Variants in POLR1A observed in about 807,000 individuals in gnomAD.
POLR1A encodes the protein RNA polymerase I subunit A, also known as DNA-directed RNA polymerase I subunit RPA1.
A neutral mutation model predicts 205.3 loss-of-function variants in POLR1A; 84 were observed. That is an observed-to-expected ratio of 0.41 (90% CI 0.34 to 0.49). The LOEUF (loss-of-function observed/expected upper bound fraction) is 0.49. Ranked by LOEUF, POLR1A falls within the 20% of genes least tolerant of loss-of-function variation. The pLI is 0.22. For missense variants in POLR1A, 1,645 were observed against 2,204.5 expected (o/e 0.75, Z 5.08); for synonymous variants, 799 against 863.7 (o/e 0.93, Z 1.31).
intron 3 of POLR1A, among the ~76,000 whole-genome samples, chr2:86,090,224 T>C (rs1673577310): frequency 6.6e-6 from 1 of 151,890 alleles, no homozygotes; most frequent in Non-Finnish European, 1.5e-5. Flanking sequence ...TGAAATCCTG[T>C]CTCTACCAAA....
intron 22 of POLR1A, 90 bp downstream of exon 22, chr2:86,044,049 G>T: frequency 7.8e-7 from 1 of 1,280,206 alleles, no homozygotes; most frequent in Non-Finnish European, 1.1e-6. Flanking sequence ...CACTTGGACT[G>T]GGTTGCAAAG....
At chr2:86,053,041 G>A in intron 15 of POLR1A, 41 bp from the exon 16 acceptor site, 1 of 1,462,338 alleles carries the variant, frequency 6.8e-7, no homozygotes, top group Non-Finnish European at 9.2e-7. Flanking sequence ...TGCGGGTGAT[G>A]CCTCCTGTGG....
At chr2:86,054,083 C>G in intron 15 of POLR1A, 57 bp downstream of exon 15, 2 of 1,560,868 alleles carry the variant, frequency 1.3e-6, no homozygotes, top group Non-Finnish European at 1.8e-6. Context: ...CATTTTAAAC[C>G]AATCTGTCTA....
chr2:86,059,462 A>G (rs1393349557), intron 14 of POLR1A, among the ~76,000 whole-genome samples: 2 of 152,222 alleles, frequency 1.3e-5, no homozygotes, highest in Admixed American at 1.3e-4. Context: ...ATGGTCAAAC[A>G]GGTGGTTGTA....
In POLR1A at chr2:86,070,977, ATGTT is replaced by A. The variant is rs201407708; in HGVS notation, c.1612-709_1612-706del. Among the ~76,000 whole-genome samples the A allele has an allele frequency of 6.8e-3, 1,033 of 152,140 alleles. 12 individuals carry two copies. Among genetic ancestry groups the A allele is most frequent in the African/African-American group, 0.024 (979 of 41,512 alleles). Reference sequence around the variant, plus strand: ...CCCACACAAGGTTAGATGAGTATGTATGTTTGTGTAGCAGCATTTACAGCGGCAA... The same window carrying A: ...CCCACACAAGGTTAGATGAGTATGTATGTGTAGCAGCATTTACAGCGGCAA... On this transcript the variant is annotated intron_variant, in intron 12 of 33. Coordinates refer to ENST00000263857, the MANE Select transcript of POLR1A (RefSeq NM_015425.6). This position sits in a 1 kb window ranked among gnomAD's most constrained non-coding sequence, Gnocchi z 4.4.
chr2:86,073,294 T>C (rs1673213319), intron 12 of POLR1A, among the ~76,000 whole-genome samples: 1 of 152,130 alleles, frequency 6.6e-6, no homozygotes, highest in African/African-American at 2.4e-5. Flanking sequence ...AAATAAAGTT[T>C]GATTGGAACA....
chr2:86,029,384 T>G, intron 31 of POLR1A, among the ~76,000 whole-genome samples: 1 of 150,692 alleles, frequency 6.6e-6, no homozygotes, highest in Non-Finnish European at 1.5e-5. Flanking sequence ...CAGTGTTCTG[T>G]GGGGGAAACC....
intron 25 of POLR1A, 81 bp from the exon 26 acceptor site, chr2:86,039,543 G>T: frequency 1.3e-6 from 2 of 1,534,112 alleles, no homozygotes. Context: ...AATGATGTCA[G>T]AGTTCTTTTG....
intron 16 of POLR1A, among the ~76,000 whole-genome samples, chr2:86,052,485 T>A (rs1210501736): frequency 6.6e-6 from 1 of 152,162 alleles, no homozygotes; most frequent in Non-Finnish European, 1.5e-5. Flanking sequence ...GGTGGCCAAG[T>A]GAGGGCGCCT....
chr2:86,077,830 C>G lies in POLR1A; in HGVS notation c.1380+29G>C, dbSNP rs752744849. 34 of 1,555,266 alleles carry G rather than the reference C, an allele frequency of 2.2e-5. No homozygotes were observed. The South Asian group carries it at 2.3e-4, about 10-fold the overall frequency. On this transcript the variant is annotated intron_variant, in intron 11 of 33. Coordinates refer to ENST00000263857, the MANE Select transcript of POLR1A (RefSeq NM_015425.6). ...GCGCGCGCACACACACACACACACACACACACACACACACACACACACACA... is the reference window on the plus strand; with the variant it reads ...GCGCGCGCACACACACACACACACAGACACACACACACACACACACACACA...
At chr2:86,082,979 T>C in intron 7 of POLR1A, 103 bp downstream of exon 7, 6 of 853,478 alleles carry the variant, frequency 7.0e-6, no homozygotes, top group South Asian at 1.5e-5. Flanking sequence ...AGGAGGAAGC[T>C]ACAATCACTA....
In POLR1A at chr2:86,025,377, G is replaced by A. The variant is rs1240629446; in HGVS notation, c.*2046C>T. 6.6e-6 allele frequency: 1 copy of A among 152,190 alleles called. No homozygotes were observed. Among genetic ancestry groups the A allele is most frequent in the Non-Finnish European group, 1.5e-5 (1 of 68,054 alleles). 9.4% of individuals were successfully genotyped at this position (152,190 alleles called of 1,614,324 possible). On this transcript the variant is annotated 3_prime_UTR_variant, in exon 34 of 34. Transcript: ENST00000263857. ...GCCAAGGCCACTCTCAGAGGCTTCC[G>A]AGCATAGAGAACCACCAAAGTGAGC...
rs1277929106 is a variant in POLR1A at position 86,069,980 on chromosome 2, T to C, written c.1866+38A>G. On this transcript the variant is annotated intron_variant, in intron 13 of 33. Coordinates refer to ENST00000263857, the MANE Select transcript of POLR1A (RefSeq NM_015425.6). ...CCAACTTAAAAGTGCTAAGTCATGCTGACGATGACCACGGAACAGCCTCAA... is the reference window on the plus strand; with the variant it reads ...CCAACTTAAAAGTGCTAAGTCATGCCGACGATGACCACGGAACAGCCTCAA... 3 of 1,594,400 alleles carry C rather than the reference T, an allele frequency of 1.9e-6. No homozygotes were observed. The South Asian group carries it at 3.3e-5, about 18-fold the overall frequency.
At chr2:86,097,454 C>T (rs1483549390) in intron 3 of POLR1A, among the ~76,000 whole-genome samples, 1 of 152,120 alleles carries the variant, frequency 6.6e-6, no homozygotes, top group East Asian at 1.9e-4. Flanking sequence ...ATGGTTATTG[C>T]AGCACTATTC....
At position 86,027,334 on chromosome 2, in the gene POLR1A, AGTCTCCTG is replaced by A; in HGVS notation, c.*81_*88del. 9.5e-7 allele frequency: 1 copy of A among 1,048,072 alleles called. No homozygotes were observed. Among genetic ancestry groups the A allele is most frequent in the Non-Finnish European group, 1.5e-6 (1 of 666,186 alleles). 64.9% of individuals were successfully genotyped at this position (1,048,072 alleles called of 1,614,324 possible). On this transcript the variant is annotated 3_prime_UTR_variant, in exon 34 of 34. Coordinates refer to ENST00000263857, the MANE Select transcript of POLR1A (RefSeq NM_015425.6). ...GTCACTTGGAACTGCCCTGGATTCC[AGTCTCCTG>A]GTCCTCTCATGCAGAAGGCAGGCTG...
At chr2:86,029,536 T>C (rs1672341292) in intron 31 of POLR1A, among the ~76,000 whole-genome samples, 1 of 151,742 alleles carries the variant, frequency 6.6e-6, no homozygotes, top group African/African-American at 2.4e-5. Flanking sequence ...GCAAACAGCA[T>C]CTAGGCAGGT....
At chr2:86,092,647 A>G (rs948997379) in intron 3 of POLR1A, among the ~76,000 whole-genome samples, 6 of 152,220 alleles carry the variant, frequency 3.9e-5, no homozygotes, top group Middle Eastern at 3.2e-3. Flanking sequence ...CAACATGGTG[A>G]AACCCTGTCT....
chr2:86,081,401 A>G (rs1673399072), intron 8 of POLR1A, among the ~76,000 whole-genome samples, 200 bp downstream of exon 8: 1 of 152,128 alleles, frequency 6.6e-6, no homozygotes, highest in South Asian at 2.1e-4. Flanking sequence ...ACTTCAAAAC[A>G]AACAAACAAA....
Position 86,021,194 on chromosome 2 carries a change from T to G in POLR1A, c.*6229A>C, listed in dbSNP as rs1350068566. ...CTGTGGTGTCTGAAACTTTGTCACA[T>G]GGGAGGCTACAGGCCCGGGGCTGGC... On this transcript the variant is annotated 3_prime_UTR_variant, in exon 34 of 34. Transcript: ENST00000263857. 1.3e-5 allele frequency: 2 copies of G among 152,254 alleles called. No homozygotes were observed. Among genetic ancestry groups the G allele is most frequent in the East Asian group, 1.9e-4 (1 of 5,200 alleles). The allele number at this position is 152,254 out of a possible 1,614,324, so 9.4% of individuals were successfully genotyped here. A position where few individuals can be genotyped will look rare whatever the true frequency, so the allele number is the denominator to read the frequency against.
Sources: allele counts gnomAD v4.1 joint callset (sites outside exome capture counted in the v4.1 genomes callset), GRCh38; gene constraint gnomAD v4.1.1; non-coding constraint Gnocchi (gnomAD v3.1); transcripts MANE v1.5; gene names NCBI Gene and HGNC (gene_info 2026-07-23, HGNC 2026-07-21).